The following DLGAP2 variants were observed in gnomAD, a reference collection of about 807,000 sequenced individuals.
DLGAP2 encodes DLG associated protein 2.
Under a neutral mutation model 100.3 loss-of-function variants are expected in DLGAP2, and 26 were observed. The observed-to-expected ratio is 0.26, with a 90% CI of 0.19 to 0.36. The LOEUF (loss-of-function observed/expected upper bound fraction) is 0.36, where lower values mean the gene tolerates loss of function less well. DLGAP2 is among the 10% of genes least tolerant of loss of function. DLGAP2 has a pLI of 1.00. For synonymous variants in DLGAP2, 886 were observed against 630.1 expected, an observed-to-expected ratio of 1.41 and a Z score of -6.08; for missense variants, 1,858 against 1,453.2, an observed-to-expected ratio of 1.28 and a Z score of -4.53.
At chr8:870,382 C>T (rs1167152797) in intron 1 of DLGAP2, among the ~76,000 whole-genome samples, 1 of 152,168 alleles carries the variant, frequency 6.6e-6, no homozygotes, top group Non-Finnish European at 1.5e-5. Context: ...CATTCCTGTT[C>T]CCTCCCAGGA....
intron 3 of DLGAP2, among the ~76,000 whole-genome samples, chr8:1,349,371 C>A (rs1801649687): frequency 6.7e-6 from 1 of 149,964 alleles, no homozygotes; most frequent in African/African-American, 2.5e-5. Flanking sequence ...AGCCTCGTGC[C>A]CACATCCACG....
chr8:900,422 T>G (rs569624634), intron 1 of DLGAP2, among the ~76,000 whole-genome samples: 1 of 152,344 alleles, frequency 6.6e-6, no homozygotes, highest in African/African-American at 2.4e-5. Context: ...CTCCTGGAGC[T>G]CCGAGGCCCA....
chr8:1,699,486 C>T (rs548631878), intron 14 of DLGAP2, among the ~76,000 whole-genome samples: 19 of 151,080 alleles, frequency 1.3e-4, no homozygotes, highest in African/African-American at 1.9e-4. Context: ...TGGTGGTGGG[C>T]GCCTGTAGTC....
intron 7 of DLGAP2, among the ~76,000 whole-genome samples, chr8:1,632,500 T>G (rs1254744605): frequency 2.0e-5 from 3 of 152,356 alleles, no homozygotes; most frequent in Admixed American, 1.3e-4. Flanking sequence ...ACCCTTCCTT[T>G]GTACCAGGTA....
intron 3 of DLGAP2, among the ~76,000 whole-genome samples, chr8:1,287,125 G>C (rs1799938280): frequency 6.9e-6 from 1 of 144,414 alleles, no homozygotes; most frequent in Non-Finnish European, 1.5e-5. Flanking sequence ...ACTAGTTTCG[G>C]TTCAGCGTGT....
intron 13 of DLGAP2, among the ~76,000 whole-genome samples, chr8:1,693,467 G>A (rs1403435974): frequency 6.6e-6 from 1 of 152,062 alleles, no homozygotes; most frequent in Non-Finnish European, 1.5e-5. Flanking sequence ...TTAATAAGTT[G>A]TTTTATAATA....
At chr8:1,491,216 C>T (rs1467001895) in intron 3 of DLGAP2, among the ~76,000 whole-genome samples, 1 of 151,990 alleles carries the variant, frequency 6.6e-6, no homozygotes, top group Non-Finnish European at 1.5e-5. Flanking sequence ...CAAAAATGCT[C>T]GCTGTTTCTC....
intron 2 of DLGAP2, among the ~76,000 whole-genome samples, chr8:1,206,192 C>G (rs1036764869): frequency 6.6e-6 from 1 of 152,146 alleles, no homozygotes; most frequent in African/African-American, 2.4e-5. Flanking sequence ...GTACAAGTGC[C>G]AGGCTGCTTG....
intron 2 of DLGAP2, chr8:1,002,474 T>C (rs1412311141): frequency 6.6e-6 from 1 of 152,218 alleles, no homozygotes; most frequent in African/African-American, 2.4e-5. Flanking sequence ...AAAATATTAT[T>C]CTGCAGTAAC....
At chr8:1,682,790 C>T (rs1236799595) in intron 12 of DLGAP2, among the ~76,000 whole-genome samples, 3 of 151,586 alleles carry the variant, frequency 2.0e-5, no homozygotes, top group African/African-American at 7.3e-5. Flanking sequence ...TCTAGTATTT[C>T]AGTGTCACTT....
At chr8:896,848 A>G (rs1798152319) in intron 1 of DLGAP2, among the ~76,000 whole-genome samples, 1 of 152,142 alleles carries the variant, frequency 6.6e-6, no homozygotes, top group Non-Finnish European at 1.5e-5. Flanking sequence ...CCAGCTGACT[A>G]AGACAAGTGG....
intron 3 of DLGAP2, among the ~76,000 whole-genome samples, chr8:1,361,836 G>A (rs1801988910): frequency 6.6e-6 from 1 of 152,234 alleles, no homozygotes; most frequent in South Asian, 2.1e-4. Flanking sequence ...TGCTCGCGGC[G>A]TCTTCTAGTG....
intron 2 of DLGAP2, among the ~76,000 whole-genome samples, chr8:1,041,163 T>C (rs1168291324): frequency 2.0e-5 from 3 of 152,196 alleles, no homozygotes; most frequent in Non-Finnish European, 2.9e-5. Context: ...TAATCTGTAA[T>C]AGCAGGATTA....
chr8:1,358,163 T>A (rs888526431), intron 3 of DLGAP2, among the ~76,000 whole-genome samples: 3 of 152,132 alleles, frequency 2.0e-5, no homozygotes, highest in Admixed American at 2.0e-4. Flanking sequence ...TTTTCTGAAG[T>A]AGCTTTGTAG....
chr8:1,376,943 G>C (rs923336973), intron 3 of DLGAP2, among the ~76,000 whole-genome samples: 3 of 152,258 alleles, frequency 2.0e-5, no homozygotes, highest in Admixed American at 2.0e-4. Context: ...AGTTCTGAAG[G>C]AATGGGAACT....
At chr8:1,693,072 C>T (rs1563066547) in intron 13 of DLGAP2, among the ~76,000 whole-genome samples, 1 of 147,454 alleles carries the variant, frequency 6.8e-6, no homozygotes, top group Non-Finnish European at 1.5e-5. Context: ...TATATATAAA[C>T]ATATATATTA....
chr8:1,613,725 C>G (rs1325005065), intron 6 of DLGAP2, among the ~76,000 whole-genome samples: 3 of 152,106 alleles, frequency 2.0e-5, no homozygotes, highest in Admixed American at 6.5e-5. Flanking sequence ...AGCAGTAAAG[C>G]CCTTTTTCGA....
At chr8:1,601,208 G>T (rs557623009) in intron 6 of DLGAP2, among the ~76,000 whole-genome samples, 1 of 152,184 alleles carries the variant, frequency 6.6e-6, no homozygotes, top group African/African-American at 2.4e-5. Context: ...GGAGGTTGCC[G>T]AACAGCAAAG....
At chr8:1,155,693 C>T (rs568853041) in intron 2 of DLGAP2, among the ~76,000 whole-genome samples, 23 of 152,124 alleles carry the variant, frequency 1.5e-4, no homozygotes, top group African/African-American at 5.5e-4. Context: ...CAGGCCCCTC[C>T]GAGGCTTCCC....
Sources: gnomAD v4.1 joint callset for allele counts (sites outside exome capture counted in the v4.1 genomes callset) on GRCh38, gnomAD v4.1.1 for gene constraint, MANE v1.5 for transcripts, NCBI Gene and HGNC (gene_info 2026-07-23, HGNC 2026-07-21) for gene names.